ROGDI: variants seen among roughly 807,000 people sequenced by gnomAD.
The protein encoded by ROGDI is rogdi atypical leucine zipper.
In ROGDI, 46 loss-of-function variants were observed where a neutral mutation model predicts 43.1. The observed-to-expected ratio is 1.07, with a 90% CI of 0.84 to 1.37. The LOEUF (loss-of-function observed/expected upper bound fraction) is 1.37. ROGDI is among the 40% of genes most tolerant of loss of function. The pLI is 0.00. For synonymous variants in ROGDI, 243 were observed against 162.0 expected (o/e 1.50, Z -3.80); for missense variants, 518 against 383.9 (o/e 1.35, Z -2.92).
In ROGDI at chr16:4,799,738, A is replaced by T; in HGVS notation, c.380T>A (p.Leu127His). ...CTGGTAGCTCTGGTCCCGGCTGGTA[A>T]GCAGGTAAATGGCTTGGCTCACATG... ...RNHVSQAIYL[L>H]TSRDQSYQFK... is the part of the protein sequence containing the mutation. The change falls in exon 6 of 11, where the codon CTT becomes CAT. Residue 127 changes from leucine (L) to histidine (H), a missense_variant. Coordinates refer to ENST00000322048, the MANE Select transcript of ROGDI (RefSeq NM_024589.3). The T allele has an allele frequency of 6.2e-7, 1 of 1,613,782 alleles. No individual in the cohort carries two copies. The highest frequency in any genetic ancestry group is 8.5e-7 in the Non-Finnish European group (1 of 1,179,806).
At chr16:4,801,242 G>C (rs756514967) in intron 4 of ROGDI, 25 bp downstream of exon 4, 1 of 1,582,176 alleles carries the variant, frequency 6.3e-7, no homozygotes, top group Non-Finnish European at 8.6e-7. Flanking sequence ...GGCAGGATGG[G>C]AGGGGACAGG....
At position 4,800,581 on chromosome 16, in the gene ROGDI, G is replaced by A; in HGVS notation, c.256-3C>T. On this transcript the variant is annotated splice_polypyrimidine_tract_variant and splice_region_variant and intron_variant, in intron 4 of 10. Coordinates refer to ENST00000322048, the MANE Select transcript of ROGDI (RefSeq NM_024589.3). ...CGGGGCATCTTCAGGTTCACATCCT[G>A]ACAGGCAAGAGTGGGGTGAGCTGGG... 1 of 1,563,244 alleles carries A rather than the reference G, an allele frequency of 6.4e-7. No homozygotes were observed. The highest frequency in any genetic ancestry group is 8.7e-7 in the Non-Finnish European group (1 of 1,153,002).
At position 4,801,444 on chromosome 16, in the gene ROGDI, C is replaced by T. The variant is rs930996421; in HGVS notation, c.200+59G>A. The T allele has an allele frequency of 1.9e-6, 3 of 1,569,494 alleles. No homozygotes were observed. In the African/African-American group the frequency reaches 4.0e-5, roughly 21 times the overall value. ...GCTGGTCTGCAGGACAGGGCTATGG[C>T]CATGCCTCCTACCCCCCAAGGTACC... On this transcript the variant is annotated intron_variant, in intron 3 of 10. Transcript: ENST00000322048.
chr16:4,799,833 A>T, intron 5 of ROGDI, 52 bp from the exon 6 acceptor site: 2 of 1,332,146 alleles, frequency 1.5e-6, no homozygotes, highest in South Asian at 2.5e-5. Context: ...TGCGGCCAGG[A>T]GGGGAGAGTG....
Position 4,798,624 on chromosome 16 carries a change from C to A in ROGDI, c.476G>T (p.Arg159Leu). 1 of 1,574,074 alleles carries A rather than the reference C, an allele frequency of 6.4e-7. No individual in the cohort carries two copies. The highest frequency in any genetic ancestry group is 8.6e-7 in the Non-Finnish European group (1 of 1,164,306). ...GGTGAGGGTGGCGGGGGTGGTGAGCCGGTTTCGGGCTCTGGTCAGCTGCAG... is the reference window on the plus strand; with the variant it reads ...GGTGAGGGTGGCGGGGGTGGTGAGCAGGTTTCGGGCTCTGGTCAGCTGCAG... ...VMLQLTRARN[R>L]LTTPATLTLP... The change falls in exon 7 of 11, where the codon CGG becomes CTG. Residue 159 changes from arginine to leucine, a missense_variant. Arg to Leu is a moderately radical substitution (Grantham distance 102). Transcript: ENST00000322048.
In ROGDI at chr16:4,797,456, G is replaced by A. The variant is rs2082664044; in HGVS notation, c.*4C>T. On this transcript the variant is annotated 3_prime_UTR_variant, in exon 11 of 11. Transcript: ENST00000322048. ...TCCTGGAGACAAGCTCCTGGGTGCT[G>A]TGATCAGAAGGGTCTGTAGCTCCAG... is the stretch of plus-strand genomic sequence containing the variant. 1 of 1,612,904 alleles carries A rather than the reference G, an allele frequency of 6.2e-7. No individual in the cohort carries two copies. The highest frequency in any genetic ancestry group is 8.5e-7 in the Non-Finnish European group (1 of 1,179,316).
At chr16:4,797,556 G>A in intron 10 of ROGDI, 55 bp from the exon 11 acceptor site, 9 of 1,173,756 alleles carry the variant, frequency 7.7e-6, no homozygotes, top group Non-Finnish European at 9.7e-6. Flanking sequence ...TAGCCCAGGG[G>A]AGATGTCAAG....
rs762136781 is a variant in ROGDI, at chr16:4,801,263, T to TCAC, written c.255+1_255+3dup. On this transcript the variant is annotated splice_donor_region_variant and intron_variant, in intron 4 of 10. Coordinates refer to ENST00000322048, the MANE Select transcript of ROGDI (RefSeq NM_024589.3). ...ATGGGAGGGGACAGGGCCGGGGGAC[T>TCAC]CACCGCCTGGCTGAGGGCATCCCCC... 1 of 1,602,844 alleles carries TCAC rather than the reference T, an allele frequency of 6.2e-7. No homozygotes were observed. Among genetic ancestry groups the TCAC allele is most frequent in the Admixed American group, 1.7e-5 (1 of 59,224 alleles).
At position 4,797,446 on chromosome 16, in the gene ROGDI, C is replaced by A; in HGVS notation, c.*14G>T. 1 of 1,611,866 alleles carries A rather than the reference C, an allele frequency of 6.2e-7. No homozygotes were observed. The highest frequency in any genetic ancestry group is 8.5e-7 in the Non-Finnish European group (1 of 1,178,818). On this transcript the variant is annotated 3_prime_UTR_variant, in exon 11 of 11. Transcript: ENST00000322048. ...GGGGCCGCCTTCCTGGAGACAAGCT[C>A]CTGGGTGCTGTGATCAGAAGGGTCT...
In ROGDI at chr16:4,799,714, T is replaced by C. The variant is rs774846359; in HGVS notation, c.404A>G (p.Gln135Arg). Residue 135 changes from glutamine (Q) to arginine (R), a missense_variant, in exon 6 of 11, where the codon CAG (glutamine) becomes CGG (arginine). Gln to Arg is a conservative substitution (Grantham distance 43). Coordinates refer to ENST00000322048, the MANE Select transcript of ROGDI (RefSeq NM_024589.3). The part of the protein sequence containing the change: ...YLLTSRDQSY[Q>R]FKTGAEVLKL... ...GAGGACCTCAGCGCCCGTCTTGAACTGGTAGCTCTGGTCCCGGCTGGTAAG... is the reference window on the plus strand; with the variant it reads ...GAGGACCTCAGCGCCCGTCTTGAACCGGTAGCTCTGGTCCCGGCTGGTAAG... 3 of 1,613,712 alleles carry C rather than the reference T, an allele frequency of 1.9e-6. No homozygotes were observed. Among genetic ancestry groups the C allele is most frequent in the Admixed American group, 3.3e-5 (2 of 59,992 alleles).
rs370414913 is a variant in ROGDI, at chr16:4,797,245, C to T, written c.*215G>A. 2.1e-4 allele frequency: 114 copies of T among 549,112 alleles called. No individual in the cohort carries two copies. The highest frequency in any genetic ancestry group is 2.9e-4 in the Non-Finnish European group (90 of 308,090). 34.0% of individuals were successfully genotyped at this position (549,112 alleles called of 1,614,324 possible). ...TGGGAATGTGGGACACCCTTGGCCC[C>T]GCCTCCCTGACCTCCCCACTACCCC... On this transcript the variant is annotated 3_prime_UTR_variant, in exon 11 of 11. Coordinates refer to ENST00000322048, the MANE Select transcript of ROGDI (RefSeq NM_024589.3).
At chr16:4,801,788 T>G in intron 2 of ROGDI, 6 of 597,890 alleles carry the variant, frequency 1.0e-5, no homozygotes, top group Non-Finnish European at 1.8e-5. Context: ...TTATACCACA[T>G]TCCCTGAACA....
At position 4,802,608 on chromosome 16, in the gene ROGDI, C is replaced by G; in HGVS notation, c.-37G>C. Reference sequence around the variant, plus strand: ...GCCGCCGAGCGCCCTCCCCACCGGCCGCTGCTCCTGTCCACCAATCTTTCT... The same window carrying G: ...GCCGCCGAGCGCCCTCCCCACCGGCGGCTGCTCCTGTCCACCAATCTTTCT... On this transcript the variant is annotated 5_prime_UTR_variant, in exon 1 of 11. Coordinates refer to ENST00000322048, the MANE Select transcript of ROGDI (RefSeq NM_024589.3). 7.7e-7 allele frequency: 1 copy of G among 1,297,966 alleles called. No individual in the cohort carries two copies. The highest frequency in any genetic ancestry group is 9.8e-7 in the Non-Finnish European group (1 of 1,020,800). 80.4% of individuals were successfully genotyped at this position (1,297,966 alleles called of 1,614,324 possible). A position where few individuals can be genotyped will look rare whatever the true frequency, so the allele number is the denominator to read the frequency against.
Position 4,801,632 on chromosome 16 carries a change from C to T in ROGDI, c.118-47G>A, listed in dbSNP as rs1443978758. The T allele has an allele frequency of 2.0e-6, 3 of 1,513,160 alleles. No individual in the cohort carries two copies. The South Asian group carries it at 3.6e-5, about 18-fold the overall frequency. The allele number at this position is 1,513,160 out of a possible 1,614,324, so 93.7% of individuals were successfully genotyped here. On this transcript the variant is annotated intron_variant, in intron 2 of 10. Coordinates refer to ENST00000322048, the MANE Select transcript of ROGDI (RefSeq NM_024589.3). ...GGGAGCTGGTAGCGCCCACTCAGGCCCGGCCCAGTGCTCCTTCCAGAAGCC... is the reference window on the plus strand; with the variant it reads ...GGGAGCTGGTAGCGCCCACTCAGGCTCGGCCCAGTGCTCCTTCCAGAAGCC...
chr16:4,797,026 C>G lies in ROGDI; in HGVS notation c.*434G>C, dbSNP rs2082658635. ...CTGGACTGGGGCTATGAAACACAGTCACCAGCACTATACTCACTCCTAGGG... is the reference window on the plus strand; with the variant it reads ...CTGGACTGGGGCTATGAAACACAGTGACCAGCACTATACTCACTCCTAGGG... On this transcript the variant is annotated 3_prime_UTR_variant, in exon 11 of 11. Coordinates refer to ENST00000322048, the MANE Select transcript of ROGDI (RefSeq NM_024589.3). 5.8e-6 allele frequency: 1 copy of G among 172,148 alleles called. No homozygotes were observed. Among genetic ancestry groups the G allele is most frequent in the African/African-American group, 2.4e-5 (1 of 41,986 alleles). 10.7% of individuals were successfully genotyped at this position (172,148 alleles called of 1,614,324 possible). A position where few individuals can be genotyped will look rare whatever the true frequency, so the allele number is the denominator to read the frequency against.
rs1293884676 is a variant in ROGDI, at chr16:4,797,850, G to A, written c.696-10C>T. On this transcript the variant is annotated splice_polypyrimidine_tract_variant and intron_variant, in intron 9 of 10. Coordinates refer to ENST00000322048, the MANE Select transcript of ROGDI (RefSeq NM_024589.3). Reference sequence around the variant, plus strand: ...CTGAGAGCCCCACTCGCTGTGGGCAGTGAGAGGGTCCCTGAGGAGGGTCCC... The same window carrying A: ...CTGAGAGCCCCACTCGCTGTGGGCAATGAGAGGGTCCCTGAGGAGGGTCCC... 5 of 1,610,526 alleles carry A rather than the reference G, an allele frequency of 3.1e-6. No homozygotes were observed. The highest frequency in any genetic ancestry group is 4.2e-6 in the Non-Finnish European group (5 of 1,179,602).
At chr16:4,798,700 TC>T (rs2082684005) in intron 6 of ROGDI, 33 bp from the exon 7 acceptor site, 2 of 1,491,266 alleles carry the variant, frequency 1.3e-6, no homozygotes, top group Non-Finnish European at 1.8e-6. Context: ...CTCTGCGTCC[TC>T]CCGTGTCCCC....
At position 4,799,223 on chromosome 16, in the gene ROGDI, G is replaced by C. The variant is rs372998537; in HGVS notation, c.432+463C>G. On this transcript the variant is annotated intron_variant, in intron 6 of 10. Coordinates refer to ENST00000322048, the MANE Select transcript of ROGDI (RefSeq NM_024589.3). ...GATGTGGCTCCCAGGAAACACGTAA[G>C]AGCTGACTGGGGGTATAGGGCCTGT... Among the ~76,000 whole-genome samples, 20 of 152,244 alleles carry C rather than the reference G, an allele frequency of 1.3e-4. No individual in the cohort carries two copies. In the East Asian group the frequency reaches 1.9e-3, roughly 15 times the overall value.
chr16:4,798,597 A>T lies in ROGDI; in HGVS notation c.503T>A (p.Leu168His), dbSNP rs1465183649. ...NRLTTPATLT[L>H]PEIAASGLTR... ...GAGGCCGCTGGCGGCGATCTCGGGG[A>T]GGGTGAGGGTGGCGGGGGTGGTGAG... is the stretch of plus-strand genomic sequence containing the variant. Residue 168 changes from leucine to histidine, a missense_variant, in exon 7 of 11, where the codon CTC becomes CAC. By Grantham distance (99) the Leu-to-His change is moderately conservative. Coordinates refer to ENST00000322048, the MANE Select transcript of ROGDI (RefSeq NM_024589.3). 3.2e-6 allele frequency: 5 copies of T among 1,570,160 alleles called. No individual in the cohort carries two copies. The highest frequency in any genetic ancestry group is 4.3e-6 in the Non-Finnish European group (5 of 1,163,836).
Sources: gnomAD v4.1 joint callset for allele counts (sites outside exome capture counted in the v4.1 genomes callset) on GRCh38, gnomAD v4.1.1 for gene constraint, MANE v1.5 for transcripts, NCBI Gene and HGNC (gene_info 2026-07-23, HGNC 2026-07-21) for gene names.